The following PRLR variants were observed in gnomAD, a reference collection of about 807,000 sequenced individuals.
PRLR encodes the protein hPRL receptor.
In PRLR, 13 loss-of-function variants were observed where a neutral mutation model predicts 40.2. That is an observed-to-expected ratio of 0.32 (90% CI 0.21 to 0.51). PRLR has a LOEUF of 0.51. Among genes scored for constraint, PRLR ranks in the 20% least tolerant of loss-of-function variants. The pLI, the probability that PRLR is intolerant of heterozygous loss-of-function variation, is 0.97. For synonymous variants in PRLR, 269 were observed against 278.7 expected (o/e 0.97, Z 0.35); for missense variants, 656 against 747.3 (o/e 0.88, Z 1.42).
chr5:35,143,056 G>T (rs1355460397), intron 1 of PRLR, among the ~76,000 whole-genome samples: 1 of 152,122 alleles, frequency 6.6e-6, no homozygotes, highest in Non-Finnish European at 1.5e-5. Context: ...ATAAATTGTT[G>T]ATATGAACTT....
chr5:35,221,995 A>C (rs551132253), intron 1 of PRLR, among the ~76,000 whole-genome samples: 1 of 152,292 alleles, frequency 6.6e-6, no homozygotes, highest in South Asian at 2.1e-4. Flanking sequence ...CCCAACACAT[A>C]TAAAGGATTC....
chr5:35,169,986 T>C (rs964685016), intron 1 of PRLR, among the ~76,000 whole-genome samples: 1 of 152,216 alleles, frequency 6.6e-6, no homozygotes, highest in Admixed American at 6.5e-5. Flanking sequence ...AGGGAGTATT[T>C]CTTTTAGAAG....
intron 1 of PRLR, among the ~76,000 whole-genome samples, chr5:35,220,865 C>T (rs1013930388): frequency 1.3e-5 from 2 of 152,274 alleles, no homozygotes; most frequent in East Asian, 1.9e-4. Context: ...AAATCTAATA[C>T]AAAAACCTGG....
At chr5:35,145,524 C>T (rs1774157878) in intron 1 of PRLR, among the ~76,000 whole-genome samples, 1 of 152,190 alleles carries the variant, frequency 6.6e-6, no homozygotes, top group South Asian at 2.1e-4. Context: ...GTATGCCATA[C>T]ATTAGAGGAC....
intron 2 of PRLR, among the ~76,000 whole-genome samples, chr5:35,113,992 G>A (rs192104264): frequency 7.0e-4 from 106 of 152,354 alleles, no homozygotes; most frequent in Admixed American, 3.3e-3. Flanking sequence ...GGAGGTATCA[G>A]TCTAAGCTAA....
rs869174221 is a variant in PRLR at position 35,191,048 on chromosome 5, C to CTTTTTT, written c.-106+39214_-106+39219dup. Among the ~76,000 whole-genome samples, 39 of 68,164 alleles carry CTTTTTT rather than the reference C, an allele frequency of 5.7e-4. 5 individuals are homozygous for CTTTTTT. Among genetic ancestry groups the CTTTTTT allele is most frequent in the East Asian group, 5.1e-3 (10 of 1,958 alleles). 44.7% of individuals were successfully genotyped at this position (68,164 alleles called of 152,430 possible). ...ATCCAATTAACAGATGTGTTATTTT[C>CTTTTTT]TTTTTTTTTTTTTTTTTTTTTTTTT... On this transcript the variant is annotated intron_variant, in intron 1 of 9. Coordinates refer to ENST00000618457, the MANE Select transcript of PRLR (RefSeq NM_000949.7).
rs530342890 is a variant in PRLR at position 35,170,004 on chromosome 5, G to A, written c.-105-51882C>T. On this transcript the variant is annotated intron_variant, in intron 1 of 9. Transcript: ENST00000618457. ...GAGTATTTCTTTTAGAAGCTACCAC[G>A]TAATTTTCTTTAGTATAGCATTATA... Among the ~76,000 whole-genome samples the A allele has an allele frequency of 5.3e-5, 8 of 152,268 alleles. No homozygotes were observed. In the South Asian group the frequency reaches 1.3e-3, roughly 24 times the overall value.
intron 1 of PRLR, among the ~76,000 whole-genome samples, chr5:35,198,657 A>G (rs1317266050): frequency 1.3e-5 from 2 of 152,252 alleles, no homozygotes; most frequent in African/African-American, 4.8e-5. Context: ...TCTTCTAAAC[A>G]GAAAAATATG....
In PRLR at chr5:35,064,056, T is replaced by A. The variant is rs1387982442; in HGVS notation, c.*1033A>T. 4 of 152,220 alleles carry A rather than the reference T, an allele frequency of 2.6e-5. No individual in the cohort carries two copies. Among genetic ancestry groups the A allele is most frequent in the Non-Finnish European group, 4.4e-5 (3 of 68,042 alleles). 9.4% of individuals were successfully genotyped at this position (152,220 alleles called of 1,614,324 possible). A position where few individuals can be genotyped will look rare whatever the true frequency, so the allele number is the denominator to read the frequency against. ...CAAACGGGAACTTTATATACTACTA[T>A]GTACTGTAAATACACATTATAACCT... On this transcript the variant is annotated 3_prime_UTR_variant, in exon 10 of 10. Transcript: ENST00000618457.
chr5:35,224,135 C>G (rs2111684216), intron 1 of PRLR, among the ~76,000 whole-genome samples: 1 of 152,264 alleles, frequency 6.6e-6, no homozygotes, highest in African/African-American at 2.4e-5. Flanking sequence ...ATGCTGGGCT[C>G]CCCATCCCTA....
intron 2 of PRLR, among the ~76,000 whole-genome samples, chr5:35,110,371 A>C (rs1043273992): frequency 6.6e-6 from 1 of 152,182 alleles, no homozygotes; most frequent in African/African-American, 2.4e-5. Flanking sequence ...AATAAAAAAA[A>C]ATAAGAGCAA....
intron 1 of PRLR, among the ~76,000 whole-genome samples, chr5:35,208,873 T>C (rs1201380178): frequency 6.6e-6 from 1 of 151,994 alleles, no homozygotes; most frequent in Admixed American, 6.6e-5. Flanking sequence ...AGTGAGTGTA[T>C]GAAAAAATTA....
At chr5:35,221,278 T>C (rs940534538) in intron 1 of PRLR, among the ~76,000 whole-genome samples, 1 of 152,196 alleles carries the variant, frequency 6.6e-6, no homozygotes, top group Non-Finnish European at 1.5e-5. Context: ...ACATAGCAAT[T>C]GGGAAATCTA....
At chr5:35,084,981 T>C (rs1027060377) in intron 4 of PRLR, among the ~76,000 whole-genome samples, 5 of 152,186 alleles carry the variant, frequency 3.3e-5, no homozygotes, top group Non-Finnish European at 7.3e-5. Context: ...TCATGCCCAT[T>C]GGGTTGCCTC....
intron 2 of PRLR, among the ~76,000 whole-genome samples, chr5:35,108,697 T>C (rs1258723268): frequency 6.6e-6 from 1 of 152,120 alleles, no homozygotes; most frequent in African/African-American, 2.4e-5. Context: ...TACAAACCAC[T>C]GCTCCATGAA....
chr5:35,185,731 A>C (rs1031741360), intron 1 of PRLR, among the ~76,000 whole-genome samples: 3 of 152,216 alleles, frequency 2.0e-5, no homozygotes, highest in Non-Finnish European at 4.4e-5. Flanking sequence ...TTACAGGTGG[A>C]GGCCTACTAG....
Position 35,084,650 on chromosome 5 carries a change from T to C in PRLR, c.204-11A>G. The C allele has an allele frequency of 6.2e-7, 1 of 1,607,800 alleles. No homozygotes were observed. The highest frequency in any genetic ancestry group is 8.5e-7 in the Non-Finnish European group (1 of 1,177,246). On this transcript the variant is annotated splice_polypyrimidine_tract_variant and intron_variant, in intron 4 of 9. Coordinates refer to ENST00000618457, the MANE Select transcript of PRLR (RefSeq NM_000949.7). ...TGCATGAGTGTCTCTCTGCAATAAG[T>C]AATGTATTAGGAATGAATAAGAAAG...
At position 35,068,890 on chromosome 5, in the gene PRLR, A is replaced by G. The variant is rs1331592154; in HGVS notation, c.686-12T>C. 1.3e-6 allele frequency: 2 copies of G among 1,586,092 alleles called. No individual in the cohort carries two copies. Among genetic ancestry groups the G allele is most frequent in the Non-Finnish European group, 8.7e-7 (1 of 1,154,756 alleles). ...ATTCATGGTGAAGTCTAAAAAACAA[A>G]CAGCCAGAAAGCTTTGATCACGTAC... On this transcript the variant is annotated splice_polypyrimidine_tract_variant and intron_variant, in intron 7 of 9. Transcript: ENST00000618457.
In PRLR at chr5:35,062,709, A is replaced by G. The variant is rs1450099903; in HGVS notation, c.*2380T>C. The G allele has an allele frequency of 6.6e-6, 1 of 152,164 alleles. No homozygotes were observed. The highest frequency in any genetic ancestry group is 2.4e-5 in the African/African-American group (1 of 41,448). 9.4% of individuals were successfully genotyped at this position (152,164 alleles called of 1,614,324 possible). ...CTATGTTAGGAAAGATTTAGTCTGC[A>G]TTGGCTTTGAGGGTGACTGTCTTTG... On this transcript the variant is annotated 3_prime_UTR_variant, in exon 10 of 10. Coordinates refer to ENST00000618457, the MANE Select transcript of PRLR (RefSeq NM_000949.7).
Sources: gnomAD v4.1 joint callset for allele counts (sites outside exome capture counted in the v4.1 genomes callset) on GRCh38, gnomAD v4.1.1 for gene constraint, MANE v1.5 for transcripts, NCBI Gene and HGNC (gene_info 2026-07-23, HGNC 2026-07-21) for gene names.